NRP1: variants seen among roughly 807,000 people sequenced by gnomAD.
NRP1 encodes neuropilin-1.
A neutral mutation model predicts 106.7 loss-of-function variants in NRP1; 35 were observed. The observed-to-expected ratio is 0.33, with a 90% CI of 0.25 to 0.43. NRP1 has a LOEUF of 0.43. Among genes scored for constraint, NRP1 ranks in the 20% least tolerant of loss-of-function variants. The pLI, the probability that NRP1 is intolerant of heterozygous loss-of-function variation, is 1.00. For missense variants in NRP1, 1,024 were observed against 1,170.4 expected (o/e 0.87, Z 1.83); for synonymous variants, 437 against 417.9 (o/e 1.05, Z -0.56).
chr10:33,230,410 G>T (rs1290989535), intron 6 of NRP1, among the ~76,000 whole-genome samples: 1 of 152,168 alleles, frequency 6.6e-6, no homozygotes, highest in Non-Finnish European at 1.5e-5. Context: ...GATGCAAGAA[G>T]AATTCTATGC....
intron 2 of NRP1, among the ~76,000 whole-genome samples, chr10:33,305,896 G>A (rs759960269): frequency 6.6e-6 from 1 of 151,940 alleles, no homozygotes; most frequent in Non-Finnish European, 1.5e-5. Context: ...AGCCTCCCGA[G>A]TAGCTGGGAC....
chr10:33,232,134 C>A (rs1338610932), intron 6 of NRP1, among the ~76,000 whole-genome samples: 1 of 152,162 alleles, frequency 6.6e-6, no homozygotes, highest in Non-Finnish European at 1.5e-5. Flanking sequence ...ATAGGCAAGA[C>A]TGGTGACCCA....
chr10:33,207,772 T>G, intron 9 of NRP1, 56 bp from the exon 10 acceptor site: 2 of 1,584,590 alleles, frequency 1.3e-6, no homozygotes, highest in Non-Finnish European at 1.7e-6. Flanking sequence ...GAGCTCCCTT[T>G]TAGCAACTGT....
intron 13 of NRP1, among the ~76,000 whole-genome samples, chr10:33,191,977 C>CA (rs58214479): frequency 0.055 from 3,816 of 69,904 alleles, 146 homozygotes; most frequent in African/African-American, 0.11. Flanking sequence ...GACTCCATTT[C>CA]AAAAAAAAAA....
In NRP1 at chr10:33,211,405, AAC is replaced by A. The variant is rs1297063275; in HGVS notation, c.1614+1979_1614+1980del. On this transcript the variant is annotated intron_variant, in intron 9 of 16. Coordinates refer to ENST00000374867, the MANE Select transcript of NRP1 (RefSeq NM_003873.7). ...TCTCAGAACAGATCCACTCAGAAGGAACTCCAGTTTCTGATGTTTATTTTACT... is the reference window on the plus strand; with the variant it reads ...TCTCAGAACAGATCCACTCAGAAGGATCCAGTTTCTGATGTTTATTTTACT... 5.9e-5 allele frequency: 9 copies of A among 152,372 alleles called. No individual in the cohort carries two copies. The East Asian group carries it at 1.2e-3, about 20-fold the overall frequency. 9.4% of individuals were successfully genotyped at this position (152,372 alleles called of 1,614,324 possible). A position where few individuals can be genotyped will look rare whatever the true frequency, so the allele number is the denominator to read the frequency against.
chr10:33,217,148 A>G (rs958294083), intron 8 of NRP1, among the ~76,000 whole-genome samples: 1 of 152,222 alleles, frequency 6.6e-6, no homozygotes, highest in Non-Finnish European at 1.5e-5. Flanking sequence ...TAGAAAGGCA[A>G]TGTTTAGCTG....
At position 33,186,504 on chromosome 10, in the gene NRP1, A is replaced by G; in HGVS notation, c.2063-16T>C. 2 of 1,602,752 alleles carry G rather than the reference A, an allele frequency of 1.2e-6. No homozygotes were observed. Among genetic ancestry groups the G allele is most frequent in the Non-Finnish European group, 1.7e-6 (2 of 1,173,374 alleles). On this transcript the variant is annotated splice_polypyrimidine_tract_variant and intron_variant, in intron 13 of 16. Transcript: ENST00000374867. The stretch of plus-strand genomic sequence containing the variant: ...TTGCCATCTCCTGCTGTGACAAAGA[A>G]CTGTGTTAGGGAGAGTGGCCAGGAT...
intron 9 of NRP1, chr10:33,211,528 T>C (rs778053254): frequency 6.6e-6 from 1 of 152,138 alleles, no homozygotes; most frequent in Non-Finnish European, 1.5e-5. Flanking sequence ...ACTGAAAATA[T>C]TTTAGAAACC....
chr10:33,318,191 A>G (rs1339068109), intron 2 of NRP1, among the ~76,000 whole-genome samples: 1 of 152,048 alleles, frequency 6.6e-6, no homozygotes, highest in Non-Finnish European at 1.5e-5. Flanking sequence ...ACTCAGGCAG[A>G]CTCTGATGTA....
At chr10:33,304,752 G>T (rs1588959582) in intron 2 of NRP1, among the ~76,000 whole-genome samples, 1 of 152,184 alleles carries the variant, frequency 6.6e-6, no homozygotes, top group Non-Finnish European at 1.5e-5. Context: ...TAGGTCTGAG[G>T]CTTTACAGAA....
At chr10:33,188,936 T>TATATATATATAA (rs543920885) in intron 13 of NRP1, among the ~76,000 whole-genome samples, 29 of 143,352 alleles carry the variant, frequency 2.0e-4, no homozygotes, top group African/African-American at 7.5e-4. Flanking sequence ...TATATATATA[T>TATATATATATAA]AAATTAAAAC....
At chr10:33,284,226 T>C (rs1432374165) in intron 2 of NRP1, among the ~76,000 whole-genome samples, 1 of 152,248 alleles carries the variant, frequency 6.6e-6, no homozygotes, top group Non-Finnish European at 1.5e-5. Flanking sequence ...GATTTGTTTT[T>C]ACTAAAAACC....
rs921142618 is a variant in NRP1, at chr10:33,259,531, G to A, written c.659-3060C>T. The stretch of plus-strand genomic sequence containing the variant: ...TTCTGTTATTGTGGACCGAAGCGCC[G>A]AGGAGATGAATGAAAATGGTCACAA... On this transcript the variant is annotated intron_variant, in intron 4 of 16. Coordinates refer to ENST00000374867, the MANE Select transcript of NRP1 (RefSeq NM_003873.7). Among the ~76,000 whole-genome samples, 4 of 152,128 alleles carry A rather than the reference G, an allele frequency of 2.6e-5. No homozygotes were observed. The East Asian group carries it at 7.7e-4, about 29-fold the overall frequency.
rs767177302 is a variant in NRP1 at position 33,213,715 on chromosome 10, A to T, written c.1285T>A (p.Tyr429Asn). ...ATACCCAACATTCCAGAGCAAGGAT[A>T]ATCTGGGAAGTGAAATGAAACAGAT... ...FEVYGCKITD[Y>N]PCSGMLGMVS... The change falls in exon 9 of 17, where the codon TAT becomes AAT. Residue 429 changes from tyrosine to asparagine, a missense_variant and splice_region_variant. Coordinates refer to ENST00000374867, the MANE Select transcript of NRP1 (RefSeq NM_003873.7). 3.8e-6 allele frequency: 6 copies of T among 1,573,780 alleles called. No homozygotes were observed. Among genetic ancestry groups the T allele is most frequent in the Non-Finnish European group, 5.2e-6 (6 of 1,158,672 alleles).
At chr10:33,284,250 T>A (rs374618506) in intron 2 of NRP1, among the ~76,000 whole-genome samples, 1 of 152,312 alleles carries the variant, frequency 6.6e-6, no homozygotes, top group South Asian at 2.1e-4. Flanking sequence ...ATATGTAAAA[T>A]AACTTAGCTT....
rs76091858 is a variant in NRP1, at chr10:33,298,922, C to T, written c.249-28066G>A. ...CCACTAATCAAAATACTCTCACCAC[C>T]ACCACTACTGCTATTACTACTTCTA... On this transcript the variant is annotated intron_variant, in intron 2 of 16. Transcript: ENST00000374867. 4.3e-3 allele frequency among the ~76,000 whole-genome samples: 658 copies of T among 152,240 alleles called. 4 individuals are homozygous for T. Among genetic ancestry groups the T allele is most frequent in the African/African-American group, 0.015 (606 of 41,540 alleles).
At position 33,219,509 on chromosome 10, in the gene NRP1, A is replaced by G. The variant is rs1185271898; in HGVS notation, c.1282+2210T>C. Among the ~76,000 whole-genome samples the G allele has an allele frequency of 2.6e-5, 4 of 152,250 alleles. No individual in the cohort carries two copies. The East Asian group carries it at 7.7e-4, about 29-fold the overall frequency. On this transcript the variant is annotated intron_variant, in intron 8 of 16. Transcript: ENST00000374867. ...TAAGAGACTAGCACTAGGAACTGAA[A>G]GGAAGCACCTTATTTGAAAAATAGC...
At chr10:33,310,592 G>C (rs1040710333) in intron 2 of NRP1, among the ~76,000 whole-genome samples, 12 of 151,928 alleles carry the variant, frequency 7.9e-5, no homozygotes, top group African/African-American at 2.9e-4. Flanking sequence ...CTGTTCTTTC[G>C]GACCCAAAGA....
intron 6 of NRP1, among the ~76,000 whole-genome samples, chr10:33,235,373 C>A (rs1050696137): frequency 6.6e-6 from 1 of 152,178 alleles, no homozygotes; most frequent in African/African-American, 2.4e-5. Context: ...GTGAAGAATG[C>A]CATTTTCAGG....
Sources: gnomAD v4.1 joint callset for allele counts (sites outside exome capture counted in the v4.1 genomes callset) on GRCh38, gnomAD v4.1.1 for gene constraint, MANE v1.5 for transcripts, NCBI Gene and HGNC (gene_info 2026-07-23, HGNC 2026-07-21) for gene names.